CYTH1: variants seen among roughly 807,000 people sequenced by gnomAD.
CYTH1 encodes cytohesin 1.
In CYTH1, 18 loss-of-function variants were observed where a neutral mutation model predicts 61.8. The ratio of observed to expected loss-of-function variants is 0.29; its 90% CI spans 0.20 to 0.43. CYTH1 has a LOEUF of 0.43. CYTH1 is among the 20% of genes least tolerant of loss of function. CYTH1 has a pLI of 1.00. For synonymous variants in CYTH1, 174 were observed against 184.3 expected (o/e 0.94, Z 0.45); for missense variants, 336 against 510.5 (o/e 0.66, Z 3.29).
At chr17:78,709,793 T>G in intron 1 of CYTH1, 61 bp from the exon 2 acceptor site, 1 of 1,487,972 alleles carries the variant, frequency 6.7e-7, no homozygotes, top group Non-Finnish European at 9.3e-7. Flanking sequence ...TCAAGGAAGA[T>G]CCAGAGGCCA....
rs149873795 is a variant in CYTH1 at position 78,685,525 on chromosome 17, C to T, written c.892-4483G>A. Among the ~76,000 whole-genome samples the T allele has an allele frequency of 4.3e-3, 647 of 152,144 alleles. 10 individuals are homozygous for T. The highest frequency in any genetic ancestry group is 0.034 in the East Asian group (178 of 5,180). On this transcript the variant is annotated intron_variant, in intron 11 of 13. Transcript: ENST00000446868. ...AGTATATTTAGCTATTAGTTCTATA[C>T]TTAAGTATATTTTGGTATTAGTTCC...
chr17:78,710,351 T>C (rs2093116254), intron 1 of CYTH1, among the ~76,000 whole-genome samples: 1 of 152,224 alleles, frequency 6.6e-6, no homozygotes, highest in Non-Finnish European at 1.5e-5. Flanking sequence ...CTTTCTTCAT[T>C]GTTTCGATGT....
chr17:78,767,471 C>T (rs908658475), intron 1 of CYTH1, among the ~76,000 whole-genome samples: 2 of 152,150 alleles, frequency 1.3e-5, no homozygotes, highest in Non-Finnish European at 2.9e-5. Flanking sequence ...TCTTAAAATT[C>T]TTCACAGCCT....
rs202032288 is a variant in CYTH1 at position 78,700,380 on chromosome 17, C to T, written c.501G>A (p.Ala167=). ...TGCACTGACAATATCGCTGGGCAAA[C>T]GCCTCCATCATCCGGTCGATCTTCT... ...EAQKIDRMME[A]FAQRYCQCNN... is the part of the protein sequence containing the mutation. The change falls in exon 7 of 14, where the codon GCG becomes GCA. Residue 167 remains alanine (A), a synonymous_variant. Transcript: ENST00000446868. This position sits in a 1 kb window ranked among gnomAD's most constrained non-coding sequence, Gnocchi z 5.1. 94 of 1,613,654 alleles carry T rather than the reference C, an allele frequency of 5.8e-5. No individual in the cohort carries two copies. Among genetic ancestry groups the T allele is most frequent in the East Asian group, 4.2e-4 (19 of 44,870 alleles).
intron 1 of CYTH1, among the ~76,000 whole-genome samples, chr17:78,727,498 A>G (rs1457523955): frequency 6.6e-6 from 1 of 152,244 alleles, no homozygotes; most frequent in East Asian, 1.9e-4. Context: ...ACCTCAAAAT[A>G]GAAACAAACT....
intron 11 of CYTH1, among the ~76,000 whole-genome samples, chr17:78,689,457 G>A (rs1020499640): frequency 1.7e-4 from 26 of 152,174 alleles, no homozygotes; most frequent in African/African-American, 5.1e-4. Flanking sequence ...AATAGGGTTC[G>A]TGCTCCTATG....
At chr17:78,701,552 T>C in intron 6 of CYTH1, 119 bp downstream of exon 6, 10 of 975,214 alleles carry the variant, frequency 1.0e-5, no homozygotes, top group Non-Finnish European at 1.6e-5. Context: ...CCAAAATACT[T>C]CAAAATATTC....
intron 9 of CYTH1, chr17:78,696,749 A>G (rs533165487): frequency 1.3e-5 from 2 of 152,286 alleles, no homozygotes; most frequent in Non-Finnish European, 2.9e-5. Flanking sequence ...GAACCAAGAT[A>G]ATCTTTGTAC....
In CYTH1 at chr17:78,782,228, C is replaced by T; in HGVS notation, c.-5G>A. On this transcript the variant is annotated 5_prime_UTR_variant, in exon 1 of 14. Transcript: ENST00000446868. ...GTAGCTGTCGTCCTCCTCCATGGTG[C>T]GGGAGCCGGGCTCCGCGCTCCGGCT... is the stretch of plus-strand genomic sequence containing the variant. 3 of 1,329,718 alleles carry T rather than the reference C, an allele frequency of 2.3e-6. No homozygotes were observed. The highest frequency in any genetic ancestry group is 1.6e-5 in the South Asian group (1 of 61,122). 82.4% of individuals were successfully genotyped at this position (1,329,718 alleles called of 1,614,324 possible).
chr17:78,681,166 G>T, intron 11 of CYTH1, 124 bp from the exon 12 acceptor site: 2 of 908,388 alleles, frequency 2.2e-6, no homozygotes, highest in Non-Finnish European at 3.5e-6. Flanking sequence ...TCATAAATCA[G>T]CCTGAGGGAA....
At chr17:78,701,035 C>T (rs2093003666) in intron 6 of CYTH1, among the ~76,000 whole-genome samples, 2 of 152,180 alleles carry the variant, frequency 1.3e-5, no homozygotes, top group African/African-American at 4.8e-5. Flanking sequence ...ATATACAAGA[C>T]TGAAACATAG....
Position 78,695,889 on chromosome 17 carries a change from G to C in CYTH1, c.814+118C>G, listed in dbSNP as rs898280861. The C allele has an allele frequency of 2.3e-6, 3 of 1,314,576 alleles. No individual in the cohort carries two copies. The Admixed American group carries it at 6.5e-5, about 29-fold the overall frequency. 81.4% of individuals were successfully genotyped at this position (1,314,576 alleles called of 1,614,324 possible). ...GGGACTGTACAATAAGTTAGAAGCA[G>C]CATTAACACTACCACCGGCAATTAA... On this transcript the variant is annotated intron_variant, in intron 10 of 13. Transcript: ENST00000446868.
At chr17:78,688,706 T>C (rs2144124561) in intron 11 of CYTH1, among the ~76,000 whole-genome samples, 1 of 152,342 alleles carries the variant, frequency 6.6e-6, no homozygotes, top group South Asian at 2.1e-4. Flanking sequence ...TTTACATTTT[T>C]TTCTTTTGAA....
intron 1 of CYTH1, among the ~76,000 whole-genome samples, chr17:78,779,128 G>A (rs1240029093): frequency 2.6e-5 from 4 of 151,912 alleles, no homozygotes; most frequent in African/African-American, 7.3e-5. Flanking sequence ...AGGCCAGGCG[G>A]GGTGGTTCAT....
At position 78,731,458 on chromosome 17, in the gene CYTH1, C is replaced by T. The variant is rs187818938; in HGVS notation, c.23-21726G>A. Among the ~76,000 whole-genome samples the T allele has an allele frequency of 3.2e-3, 481 of 152,258 alleles. 1 individual carries two copies. Among genetic ancestry groups the T allele is most frequent in the African/African-American group, 0.011 (441 of 41,546 alleles). On this transcript the variant is annotated intron_variant, in intron 1 of 13. Transcript: ENST00000446868. ...GAAGATGGTGGCAGTTTTAAGAGTC[C>T]TTTTCTAAAAAGGAAATCTCGTCGG...
At chr17:78,758,714 C>CA (rs906200633) in intron 1 of CYTH1, among the ~76,000 whole-genome samples, 41 of 150,700 alleles carry the variant, frequency 2.7e-4, no homozygotes, top group African/African-American at 9.0e-4. Flanking sequence ...AACTCCATCT[C>CA]AAAAAAACAA....
chr17:78,729,550 A>C (rs1310826861), intron 1 of CYTH1, among the ~76,000 whole-genome samples: 1 of 152,148 alleles, frequency 6.6e-6, no homozygotes, highest in Non-Finnish European at 1.5e-5. Context: ...GGAGAGTGTA[A>C]ACTGGTACAA....
In CYTH1 at chr17:78,674,980, G is replaced by T. The variant is rs1357562945; in HGVS notation, c.*1111C>A. On this transcript the variant is annotated 3_prime_UTR_variant, in exon 14 of 14. Coordinates refer to ENST00000446868, the MANE Select transcript of CYTH1 (RefSeq NM_004762.6). ...GATAAAGGCCCATCTTCCCCTCTAG[G>T]GGGCCCACCACAAAATGCATCCAGA... 6.6e-6 allele frequency: 1 copy of T among 152,334 alleles called. No individual in the cohort carries two copies. Among genetic ancestry groups the T allele is most frequent in the Non-Finnish European group, 1.5e-5 (1 of 68,146 alleles). 9.4% of individuals were successfully genotyped at this position (152,334 alleles called of 1,614,324 possible).
intron 1 of CYTH1, among the ~76,000 whole-genome samples, chr17:78,760,210 A>C (rs2144706108): frequency 6.6e-6 from 1 of 151,532 alleles, no homozygotes; most frequent in South Asian, 2.1e-4. Flanking sequence ...CTGCTACCAC[A>C]ATTGCAAAAG....
Sources: allele counts gnomAD v4.1 joint callset (sites outside exome capture counted in the v4.1 genomes callset), GRCh38; gene constraint gnomAD v4.1.1; non-coding constraint Gnocchi (gnomAD v3.1); transcripts MANE v1.5; gene names NCBI Gene and HGNC (gene_info 2026-07-23, HGNC 2026-07-21).